PARP15: variants seen among roughly 807,000 people sequenced by gnomAD.
PARP15 encodes the protein protein mono-ADP-ribosyltransferase PARP15.
Under a neutral mutation model 62.1 loss-of-function variants are expected in PARP15, and 50 were observed. The ratio of observed to expected loss-of-function variants is 0.81; its 90% CI spans 0.64 to 1.02. The LOEUF is 1.02. Ranked by LOEUF, PARP15 falls within the 50% of genes least tolerant of loss-of-function variation. The pLI is 0.00. For synonymous variants in PARP15, 309 were observed against 293.1 expected, an observed-to-expected ratio of 1.05 and a Z score of -0.55; for missense variants, 820 against 826.5, an observed-to-expected ratio of 0.99 and a Z score of 0.10.
At chr3:122,617,353 C>A (rs902258464) in intron 6 of PARP15, among the ~76,000 whole-genome samples, 189 bp downstream of exon 6, 1 of 152,124 alleles carries the variant, frequency 6.6e-6, no homozygotes, top group Non-Finnish European at 1.5e-5. Context: ...AGTCACTTAA[C>A]CTCTCTGAGT....
At position 122,621,428 on chromosome 3, in the gene PARP15, C is replaced by T; in HGVS notation, c.1064-16C>T. ...ATTAATGGGCTGCATGTTTGTTTTTCTTTCCTTTTTTTCAGCTGCACAGCC... is the reference window on the plus strand; with the variant it reads ...ATTAATGGGCTGCATGTTTGTTTTTTTTTCCTTTTTTTCAGCTGCACAGCC... On this transcript the variant is annotated splice_polypyrimidine_tract_variant and intron_variant, in intron 7 of 11. Coordinates refer to ENST00000464300, the MANE Select transcript of PARP15 (RefSeq NM_001113523.3). The T allele has an allele frequency of 6.3e-7, 1 of 1,587,822 alleles. No homozygotes were observed. Among genetic ancestry groups the T allele is most frequent in the South Asian group, 1.2e-5 (1 of 86,458 alleles).
intron 1 of PARP15, among the ~76,000 whole-genome samples, chr3:122,603,711 C>A (rs114633928): frequency 0.016 from 2,405 of 152,256 alleles, 65 homozygotes; most frequent in African/African-American, 0.053. Flanking sequence ...CCAAAGTATT[C>A]TCTGGGTGGG....
chr3:122,612,500 A>G (rs141544368), intron 3 of PARP15, among the ~76,000 whole-genome samples: 5,711 of 151,040 alleles, frequency 0.038, 371 homozygotes, highest in African/African-American at 0.13. Context: ...ACAGTGGCGC[A>G]ATCTTGGCTC....
intron 5 of PARP15, 132 bp from the exon 6 acceptor site, chr3:122,616,883 G>A (rs919410064): frequency 3.2e-6 from 3 of 931,532 alleles, no homozygotes; most frequent in African/African-American, 3.3e-5. Context: ...GCCAGGAGAT[G>A]TGGCAATATT....
At chr3:122,588,541 C>T (rs764002477) in intron 1 of PARP15, among the ~76,000 whole-genome samples, 31 of 151,984 alleles carry the variant, frequency 2.0e-4, no homozygotes, top group Non-Finnish European at 3.4e-4. Context: ...ACCTATAATC[C>T]CTGCTACTTC....
At chr3:122,583,465 CTCT>C (rs535435730) in intron 1 of PARP15, among the ~76,000 whole-genome samples, 207 of 151,890 alleles carry the variant, frequency 1.4e-3, no homozygotes, top group Admixed American at 3.7e-3. Flanking sequence ...ATTTATTTTT[CTCT>C]TCATTATGCA....
At chr3:122,612,930 C>G in intron 3 of PARP15, 111 bp from the exon 4 acceptor site, 1 of 937,800 alleles carries the variant, frequency 1.1e-6, no homozygotes, top group Non-Finnish European at 1.6e-6. Flanking sequence ...CAGGCCCTGA[C>G]TAAGCCAACA....
In PARP15 at chr3:122,595,168, TG is replaced by T. The variant is rs200999484; in HGVS notation, c.187-10767del. On this transcript the variant is annotated intron_variant, in intron 1 of 11. Transcript: ENST00000464300. ...TCTATGGGGATCTAGCTAAAGGAAT[TG>T]TTTTTTTTTTCGCAGTAACAAAACA... Among the ~76,000 whole-genome samples, 43 of 151,962 alleles carry T rather than the reference TG, an allele frequency of 2.8e-4. 1 individual carries two copies. Among genetic ancestry groups the T allele is most frequent in the Admixed American group, 4.6e-4 (7 of 15,260 alleles).
intron 8 of PARP15, among the ~76,000 whole-genome samples, chr3:122,624,203 T>C (rs970364780): frequency 1.3e-5 from 2 of 152,026 alleles, no homozygotes; most frequent in African/African-American, 4.8e-5. Flanking sequence ...ACGCAGTCTA[T>C]TTTGAGTACC....
chr3:122,583,329 G>A (rs1274300098), intron 1 of PARP15, among the ~76,000 whole-genome samples: 1 of 150,718 alleles, frequency 6.6e-6, no homozygotes, highest in African/African-American at 2.4e-5. Context: ...GTTTCACTAT[G>A]TTGGTCAGGC....
Position 122,635,840 on chromosome 3 carries a change from G to A in PARP15, c.1777G>A (p.Ala593Thr). The part of the protein sequence containing the change: ...AVSYGKGTYF[A>T]VDASYSAKDT... ...ATCCTATGGAAAAGGAACCTATTTTGCTGTGGATGCCAGTTATTCTGCCAA... is the reference window on the plus strand; with the variant it reads ...ATCCTATGGAAAAGGAACCTATTTTACTGTGGATGCCAGTTATTCTGCCAA... Residue 593 changes from alanine to threonine, a missense_variant, in exon 12 of 12, where the codon GCT becomes ACT. Around this residue, in one of 3 missense-constraint regions of PARP15, gnomAD observed 731 missense variants for 727.7 expected, o/e 1.00. Transcript: ENST00000464300. The A allele has an allele frequency of 6.2e-7, 1 of 1,613,690 alleles. No individual in the cohort carries two copies. Among genetic ancestry groups the A allele is most frequent in the African/African-American group, 1.3e-5 (1 of 74,984 alleles).
chr3:122,612,015 G>A (rs1576517822), intron 3 of PARP15, among the ~76,000 whole-genome samples: 2 of 146,130 alleles, frequency 1.4e-5, no homozygotes, highest in African/African-American at 2.6e-5. Flanking sequence ...CAACTGGACA[G>A]CATATTTATG....
In PARP15 at chr3:122,577,839, TCCTC is replaced by T. The variant is rs758453607; in HGVS notation, c.175_178del (p.Ser59GlyfsTer21). On this transcript the variant is annotated frameshift_variant, in exon 1 of 12. Coordinates refer to ENST00000464300, the MANE Select transcript of PARP15 (RefSeq NM_001113523.3). LOFTEE classifies it high-confidence loss of function. The stretch of plus-strand genomic sequence containing the variant: ...GGCGCGGAAGGCCTCCCGGCGCTCT[TCCTC>T]CCGGAGTATGGTGAGGAGCGCGGGG... 18 of 1,549,310 alleles carry T rather than the reference TCCTC, an allele frequency of 1.2e-5. No homozygotes were observed. Among genetic ancestry groups the T allele is most frequent in the Non-Finnish European group, 1.6e-5 (18 of 1,145,844 alleles).
At chr3:122,594,618 C>G (rs1181256145) in intron 1 of PARP15, 1 of 932,920 alleles carries the variant, frequency 1.1e-6, no homozygotes, top group Non-Finnish European at 1.3e-6. Context: ...TGAAATCTAA[C>G]TTTACATAGA....
chr3:122,594,179 A>G (rs894982675), intron 1 of PARP15, among the ~76,000 whole-genome samples: 8 of 152,142 alleles, frequency 5.3e-5, no homozygotes, highest in African/African-American at 1.4e-4. Flanking sequence ...GTGAGTTTTA[A>G]TAGTGAAGCT....
chr3:122,624,770 A>G (rs1216237345), intron 8 of PARP15, among the ~76,000 whole-genome samples: 1 of 152,222 alleles, frequency 6.6e-6, no homozygotes, highest in Non-Finnish European at 1.5e-5. Context: ...TCTAATTTTC[A>G]GCATTTTAAA....
intron 1 of PARP15, among the ~76,000 whole-genome samples, chr3:122,601,177 C>T (rs983164952): frequency 7.3e-5 from 11 of 151,564 alleles, no homozygotes; most frequent in Admixed American, 7.2e-4. Flanking sequence ...GTGCTTGCCA[C>T]CACGCCCAGC....
chr3:122,610,026 A>G (rs1239612985), intron 2 of PARP15, among the ~76,000 whole-genome samples: 1 of 152,172 alleles, frequency 6.6e-6, no homozygotes, highest in Non-Finnish European at 1.5e-5. Flanking sequence ...CTTTTGGTAT[A>G]TTGTTAAATT....
At chr3:122,604,304 C>T (rs974651432) in intron 1 of PARP15, among the ~76,000 whole-genome samples, 1 of 152,068 alleles carries the variant, frequency 6.6e-6, no homozygotes, top group African/African-American at 2.4e-5. Flanking sequence ...ATTCTATGAT[C>T]GATTAATAGT....
Sources: allele counts gnomAD v4.1 joint callset (sites outside exome capture counted in the v4.1 genomes callset), GRCh38; gene constraint gnomAD v4.1.1; regional missense constraint gnomAD v4.1.1; transcripts MANE v1.5; gene names NCBI Gene and HGNC (gene_info 2026-07-23, HGNC 2026-07-21).